CEP83: variants seen among roughly 807,000 people sequenced by gnomAD.
The protein encoded by CEP83 is centrosomal protein of 83 kDa.
Under a neutral mutation model 101.9 loss-of-function variants are expected in CEP83, and 70 were observed. The observed-to-expected ratio is 0.69, with a 90% confidence interval of 0.57 to 0.84. CEP83 has a LOEUF of 0.84. CEP83 is among the 40% of genes least tolerant of loss of function. The pLI is 0.00. For missense variants in CEP83, 715 were observed against 787.2 expected, an observed-to-expected ratio of 0.91 and a Z score of 1.10; for synonymous variants, 264 against 267.9, an observed-to-expected ratio of 0.99 and a Z score of 0.14.
At chr12:94,450,964 C>T (rs904588391) in intron 1 of CEP83, among the ~76,000 whole-genome samples, 1 of 152,144 alleles carries the variant, frequency 6.6e-6, no homozygotes, top group Admixed American at 6.5e-5. Context: ...GTAATCAAGA[C>T]AGAATAGTGT....
At chr12:94,459,480 G>A (rs557017851) in intron 1 of CEP83, 77 bp downstream of exon 1, 2 of 152,328 alleles carry the variant, frequency 1.3e-5, no homozygotes, top group East Asian at 3.9e-4. Context: ...AAGGATTCAA[G>A]GGCAGTTTGT....
chr12:94,383,934 A>AAAT (rs2061990909), intron 6 of CEP83, among the ~76,000 whole-genome samples: 1 of 152,118 alleles, frequency 6.6e-6, no homozygotes, highest in African/African-American at 2.4e-5. Flanking sequence ...TTTTCTCTAT[A>AAAT]TATTTAGAAC....
rs184001812 is a variant in CEP83 at position 94,393,565 on chromosome 12, C to A, written c.549+7285G>T. The stretch of plus-strand genomic sequence containing the variant: ...GAAGCATTTCCTTTAAAAACCAGCA[C>A]AAGACAAGGATGCCCTTTCTCACCA... On this transcript the variant is annotated intron_variant, in intron 6 of 16. Transcript: ENST00000397809. Among the ~76,000 whole-genome samples, 207 of 152,294 alleles carry A rather than the reference C, an allele frequency of 1.4e-3. 1 individual carries two copies. The highest frequency in any genetic ancestry group is 4.8e-3 in the African/African-American group (200 of 41,554).
At chr12:94,304,030 C>A, downstream of CEP83, 3 of 1,564,946 alleles carry the variant, frequency 1.9e-6, no homozygotes, top group Non-Finnish European at 2.6e-6. Flanking sequence ...TTTACAAATA[C>A]ATCGTAAAAT....
Position 94,412,478 on chromosome 12 carries a change from T to C in CEP83, c.13A>G (p.Thr5Ala). The C allele has an allele frequency of 1.2e-6, 2 of 1,611,626 alleles. No homozygotes were observed. Among genetic ancestry groups the C allele is most frequent in the Non-Finnish European group, 1.7e-6 (2 of 1,179,214 alleles). The change falls in exon 3 of 17, where the codon ACA (threonine) becomes GCA (alanine). Residue 5 changes from threonine (T) to alanine (A), a missense_variant. Physicochemically the swap from Thr to Ala is moderately conservative, Grantham distance 58. Coordinates refer to ENST00000397809, the MANE Select transcript of CEP83 (RefSeq NM_016122.3). ...GGAAAAGTGTCCATATCGGTAAATG[T>C]GCTGACAACCATGTAAAAATAAGTT... MVVS[T>A]FTDMDTFPNN...
Position 94,440,875 on chromosome 12 carries a change from C to A in CEP83, c.-154-5548G>T, listed in dbSNP as rs180992205. The stretch of plus-strand genomic sequence containing the variant: ...AGAACAGAGAACCCAGAAACAAAGC[C>A]AAGTACTTACAGCCAACTGATATTT... On this transcript the variant is annotated intron_variant, in intron 1 of 16. Coordinates refer to ENST00000397809, the MANE Select transcript of CEP83 (RefSeq NM_016122.3). Among the ~76,000 whole-genome samples the A allele has an allele frequency of 2.0e-3, 301 of 152,208 alleles. 1 individual carries two copies. The highest frequency in any genetic ancestry group is 7.0e-3 in the African/African-American group (292 of 41,542).
intron 14 of CEP83, among the ~76,000 whole-genome samples, chr12:94,329,397 G>A (rs910705592): frequency 2.0e-5 from 3 of 152,046 alleles, no homozygotes; most frequent in Non-Finnish European, 4.4e-5. Context: ...CTTCCAAGTA[G>A]CTGGGACTAC....
intron 4 of CEP83, among the ~76,000 whole-genome samples, chr12:94,406,547 A>T (rs1053123651): frequency 2.6e-5 from 4 of 152,136 alleles, no homozygotes; most frequent in Admixed American, 1.3e-4. Flanking sequence ...AGATGTCATT[A>T]AAACTTTATT....
chr12:94,323,458 G>C (rs557083254), intron 14 of CEP83, among the ~76,000 whole-genome samples: 2 of 152,150 alleles, frequency 1.3e-5, no homozygotes, highest in Non-Finnish European at 1.5e-5. Flanking sequence ...CCTGGGAAGA[G>C]GAGGCTCCTC....
intron 11 of CEP83, among the ~76,000 whole-genome samples, chr12:94,341,850 A>G (rs2059702130): frequency 6.6e-6 from 1 of 152,224 alleles, no homozygotes; most frequent in South Asian, 2.1e-4. Context: ...TTTTATCACT[A>G]TGGCAACAGA....
chr12:94,282,900 C>A, the CEP83 span: 1 of 154,802 alleles, frequency 6.5e-6, no homozygotes, highest in Admixed American at 6.3e-5. Context: ...AACCCACATA[C>A]TGGGTGAGTG....
At chr12:94,324,182 T>G (rs894793562) in intron 14 of CEP83, among the ~76,000 whole-genome samples, 1 of 152,238 alleles carries the variant, frequency 6.6e-6, no homozygotes, top group Admixed American at 6.5e-5. Flanking sequence ...TTTTCTATCA[T>G]CTGGAAGAGT....
chr12:94,330,855 C>G (rs1038711052), intron 14 of CEP83, among the ~76,000 whole-genome samples: 1 of 152,154 alleles, frequency 6.6e-6, no homozygotes, highest in East Asian at 1.9e-4. Flanking sequence ...GACTTACATA[C>G]AAAATTTAGA....
At chr12:94,356,540 C>G (rs2060485368) in intron 11 of CEP83, among the ~76,000 whole-genome samples, 1 of 152,184 alleles carries the variant, frequency 6.6e-6, no homozygotes, top group South Asian at 2.1e-4. Flanking sequence ...GCAAGCTAGA[C>G]AAGAGGGTGA....
At chr12:94,350,369 C>T (rs867473265) in intron 11 of CEP83, among the ~76,000 whole-genome samples, 1 of 151,992 alleles carries the variant, frequency 6.6e-6, no homozygotes, top group Non-Finnish European at 1.5e-5. Context: ...ACAAGAGTAC[C>T]AAGGTCATTC....
At chr12:94,389,697 G>C (rs1205256679) in intron 6 of CEP83, among the ~76,000 whole-genome samples, 2 of 152,188 alleles carry the variant, frequency 1.3e-5, no homozygotes, top group Non-Finnish European at 2.9e-5. Context: ...CAAGGGGTCG[G>C]GGTATTTCCC....
chr12:94,449,857 G>A (rs2067119957), intron 1 of CEP83, among the ~76,000 whole-genome samples: 2 of 150,344 alleles, frequency 1.3e-5, no homozygotes, highest in South Asian at 4.2e-4. Context: ...TACAGGGTGG[G>A]TTTAATCTCC....
rs549102959 is a variant in CEP83 at position 94,354,554 on chromosome 12, C to A, written c.1343+13240G>T. Among the ~76,000 whole-genome samples, 30 of 152,182 alleles carry A rather than the reference C, an allele frequency of 2.0e-4. No homozygotes were observed. In the South Asian group the frequency reaches 3.9e-3, roughly 20 times the overall value. On this transcript the variant is annotated intron_variant, in intron 11 of 16. Coordinates refer to ENST00000397809, the MANE Select transcript of CEP83 (RefSeq NM_016122.3). Reference sequence around the variant, plus strand: ...ACAGACCATATGTTAGGCCACAAAACAAGTCTCAATAAATTTTTAAAAATC... The same window carrying A: ...ACAGACCATATGTTAGGCCACAAAAAAAGTCTCAATAAATTTTTAAAAATC...
chr12:94,381,969 C>T (rs745661584), intron 6 of CEP83, among the ~76,000 whole-genome samples: 6 of 152,056 alleles, frequency 3.9e-5, no homozygotes, highest in Non-Finnish European at 8.8e-5. Flanking sequence ...CTTCTTTAAA[C>T]ACCTGGTAAA....
Sources: gnomAD v4.1 joint callset for allele counts (sites outside exome capture counted in the v4.1 genomes callset) on GRCh38, gnomAD v4.1.1 for gene constraint, MANE v1.5 for transcripts, NCBI Gene and HGNC (gene_info 2026-07-23, HGNC 2026-07-21) for gene names.